ERI3: variants seen among roughly 807,000 people sequenced by gnomAD.
ERI3 encodes ERI1 exoribonuclease family member 3.
In ERI3, 18 loss-of-function variants were observed where a neutral mutation model predicts 44.4. The ratio of observed to expected loss-of-function variants is 0.41; its 90% confidence interval spans 0.28 to 0.60. The LOEUF is 0.60. Ranked by LOEUF, ERI3 falls within the 20% of genes least tolerant of loss-of-function variation. ERI3 has a pLI of 0.36. For missense variants in ERI3, 294 were observed against 435.5 expected (o/e 0.68, Z 2.89); for synonymous variants, 183 against 164.8 (o/e 1.11, Z -0.84).
At chr1:44,288,885 T>G (rs6666212) in intron 6 of ERI3, among the ~76,000 whole-genome samples, 11,374 of 151,594 alleles carry the variant, frequency 0.075, 1,324 homozygotes, top group African/African-American at 0.25. Context: ...AGGGTCTGAA[T>G]GCTGTACATT....
intron 6 of ERI3, 96 bp downstream of exon 6, chr1:44,308,214 A>C: frequency 1.2e-6 from 1 of 867,192 alleles, no homozygotes; most frequent in Non-Finnish European, 2.0e-6. Flanking sequence ...AGAATCCCTG[A>C]TCCAGCTGCC....
chr1:44,295,887 C>A (rs939004144), intron 6 of ERI3, among the ~76,000 whole-genome samples: 4 of 152,176 alleles, frequency 2.6e-5, no homozygotes, highest in Admixed American at 2.0e-4. Flanking sequence ...AAGGGTCTGT[C>A]CCCTGGCTTC....
intron 2 of ERI3, 40 bp downstream of exon 2, chr1:44,352,810 G>A (rs1433505567): frequency 7.4e-6 from 12 of 1,612,338 alleles, no homozygotes; most frequent in Admixed American, 6.7e-5. Context: ...ATACTCAGAA[G>A]AAAATAAAGC....
chr1:44,237,097 G>A (rs1644322197), intron 8 of ERI3, among the ~76,000 whole-genome samples: 1 of 152,180 alleles, frequency 6.6e-6, no homozygotes, highest in African/African-American at 2.4e-5. Flanking sequence ...GAGAAGACCT[G>A]CGTGAGCTTC....
chr1:44,233,679 AC>A (rs1644238639), intron 8 of ERI3, among the ~76,000 whole-genome samples: 1 of 152,058 alleles, frequency 6.6e-6, no homozygotes, highest in African/African-American at 2.4e-5. Flanking sequence ...TCCTATTTCC[AC>A]TGATACAGCT....
intron 6 of ERI3, among the ~76,000 whole-genome samples, chr1:44,288,932 CA>C (rs1262685963): frequency 6.6e-6 from 1 of 152,190 alleles, no homozygotes; most frequent in African/African-American, 2.4e-5. Context: ...GAGCCACTGG[CA>C]GTGGGCCCTG....
At position 44,299,020 on chromosome 1, in the gene ERI3, C is replaced by T. The variant is rs565381867; in HGVS notation, c.758+9290G>A. ...CGGTGGTTAGCTGGCAAGGGGAAGG[C>T]ATCACTGACTGGGAAGAGGCACGAG... On this transcript the variant is annotated intron_variant, in intron 6 of 8. Coordinates refer to ENST00000372257, the MANE Select transcript of ERI3 (RefSeq NM_024066.3). Among the ~76,000 whole-genome samples, 141 of 152,236 alleles carry T rather than the reference C, an allele frequency of 9.3e-4. 1 individual carries two copies. Among genetic ancestry groups the T allele is most frequent in the Admixed American group, 2.5e-3 (38 of 15,290 alleles).
At chr1:44,223,558 G>A (rs1430314141) in intron 8 of ERI3, among the ~76,000 whole-genome samples, 2 of 152,084 alleles carry the variant, frequency 1.3e-5, no homozygotes, top group African/African-American at 2.4e-5. Flanking sequence ...AAGTCCCCTC[G>A]TTATCTGCAA....
rs886509408 is a variant in ERI3 at position 44,247,932 on chromosome 1, G to T, written c.931+7C>A. ...GAGCTGCCGGGGGAATATGCGAAGG[G>T]ACTGACCAATGCCGCTGTGGGGCCG... is the stretch of plus-strand genomic sequence containing the variant. On this transcript the variant is annotated splice_region_variant and intron_variant, in intron 8 of 8. Coordinates refer to ENST00000372257, the MANE Select transcript of ERI3 (RefSeq NM_024066.3). The T allele has an allele frequency of 3.1e-6, 5 of 1,608,880 alleles. No individual in the cohort carries two copies. The highest frequency in any genetic ancestry group is 4.2e-6 in the Non-Finnish European group (5 of 1,177,188).
At chr1:44,284,792 A>G in intron 7 of ERI3, 43 bp downstream of exon 7, 2 of 1,501,390 alleles carry the variant, frequency 1.3e-6, no homozygotes, top group Non-Finnish European at 1.9e-6. Flanking sequence ...CTGAGGCACA[A>G]GAGCACCAGG....
chr1:44,249,875 G>A lies in ERI3; in HGVS notation c.832-1837C>T, dbSNP rs1287899102. On this transcript the variant is annotated intron_variant, in intron 7 of 8. Transcript: ENST00000372257. ...ATCACTTACAAAGGCCGGATTAAAC[G>A]ATCAGAAATTCCATTTAATAGGACA... Among the ~76,000 whole-genome samples the A allele has an allele frequency of 3.3e-5, 5 of 152,076 alleles. No individual in the cohort carries two copies. The South Asian group carries it at 6.2e-4, about 19-fold the overall frequency.
intron 5 of ERI3, among the ~76,000 whole-genome samples, chr1:44,312,366 T>C (rs1430950070): frequency 3.3e-5 from 5 of 151,904 alleles, no homozygotes; most frequent in African/African-American, 7.3e-5. Flanking sequence ...CCTCCCCCTA[T>C]AGAGAAAGAC....
At chr1:44,256,030 T>C (rs1363130643) in intron 7 of ERI3, among the ~76,000 whole-genome samples, 3 of 152,168 alleles carry the variant, frequency 2.0e-5, no homozygotes, top group Non-Finnish European at 2.9e-5. Context: ...ACCTGTAACA[T>C]GGATTTTGTC....
In ERI3 at chr1:44,221,388, G is replaced by A; in HGVS notation, c.*170C>T. 1.6e-6 allele frequency: 1 copy of A among 606,870 alleles called. No individual in the cohort carries two copies. The allele number at this position is 606,870 out of a possible 1,614,324, so 37.6% of individuals were successfully genotyped here. On this transcript the variant is annotated 3_prime_UTR_variant, in exon 9 of 9. Coordinates refer to ENST00000372257, the MANE Select transcript of ERI3 (RefSeq NM_024066.3). This position sits in a 1 kb window ranked among gnomAD's most constrained non-coding sequence, Gnocchi z 5.9. Reference sequence around the variant, plus strand: ...TGCTCCAGAAGGGCCAAGTGGCCAAGCCCTTGCAAGGGCACAAGCCCACGC... The same window carrying A: ...TGCTCCAGAAGGGCCAAGTGGCCAAACCCTTGCAAGGGCACAAGCCCACGC...
chr1:44,355,051 G>A lies in ERI3; in HGVS notation c.-25C>T. ...TGGCAACGCCCCCTCCTCGGGGCCA[G>A]CGCGGCAGGCTCCCTCCAGGTGCAG... On this transcript the variant is annotated 5_prime_UTR_variant, in exon 1 of 9. Transcript: ENST00000372257. 1 of 1,361,258 alleles carries A rather than the reference G, an allele frequency of 7.3e-7. No individual in the cohort carries two copies. The highest frequency in any genetic ancestry group is 2.1e-5 in the South Asian group (1 of 47,844). The allele number at this position is 1,361,258 out of a possible 1,614,324, so 84.3% of individuals were successfully genotyped here. A position where few individuals can be genotyped will look rare whatever the true frequency, so the allele number is the denominator to read the frequency against.
At chr1:44,234,089 G>T (rs2154316390) in intron 8 of ERI3, among the ~76,000 whole-genome samples, 1 of 152,146 alleles carries the variant, frequency 6.6e-6, no homozygotes, top group East Asian at 1.9e-4. Context: ...TCACCTCTTA[G>T]ATATGGATGT....
chr1:44,263,404 C>T (rs1368427434), intron 7 of ERI3, among the ~76,000 whole-genome samples: 2 of 152,360 alleles, frequency 1.3e-5, no homozygotes, highest in East Asian at 1.9e-4. Flanking sequence ...CACACAGGCC[C>T]ACACTGCCTC....
At chr1:44,273,355 G>A (rs2154321766) in intron 7 of ERI3, among the ~76,000 whole-genome samples, 1 of 152,338 alleles carries the variant, frequency 6.6e-6, no homozygotes, top group East Asian at 1.9e-4. Context: ...AAGATACATG[G>A]TCTGGAGAAA....
At chr1:44,226,776 TAAACAC>T (rs892915298) in intron 8 of ERI3, among the ~76,000 whole-genome samples, 24 of 71,730 alleles carry the variant, frequency 3.3e-4, no homozygotes, top group South Asian at 5.8e-4. Flanking sequence ...TCAGCATTAT[TAAACAC>T]ACACACACAC....
Sources: gnomAD v4.1 joint callset for allele counts (sites outside exome capture counted in the v4.1 genomes callset) on GRCh38, gnomAD v4.1.1 for gene constraint, Gnocchi (gnomAD v3.1) non-coding constraint, MANE v1.5 for transcripts, NCBI Gene and HGNC (gene_info 2026-07-23, HGNC 2026-07-21) for gene names.